The following CDH13 variants were observed in gnomAD, a reference collection of about 807,000 sequenced individuals.
The protein encoded by CDH13 is cadherin 13.
A neutral mutation model predicts 63.8 loss-of-function variants in CDH13; 24 were observed. That is an observed-to-expected ratio of 0.38 (90% confidence interval 0.27 to 0.53). The LOEUF (loss-of-function observed/expected upper bound fraction) is 0.53. Among genes scored for constraint, CDH13 ranks in the 20% least tolerant of loss-of-function variants. CDH13 has a pLI of 0.85. For synonymous variants in CDH13, 503 were observed against 355.3 expected (o/e 1.42, Z -4.67); for missense variants, 1,049 against 903.1 (o/e 1.16, Z -2.07).
At chr16:83,051,458 C>T (rs948581816) in intron 3 of CDH13, among the ~76,000 whole-genome samples, 8 of 152,116 alleles carry the variant, frequency 5.3e-5, no homozygotes, top group Admixed American at 1.3e-4. Flanking sequence ...TGCTAGATAC[C>T]AATAGGTAAA....
chr16:82,976,610 C>T (rs534503064), intron 2 of CDH13, among the ~76,000 whole-genome samples: 12 of 152,254 alleles, frequency 7.9e-5, no homozygotes, highest in African/African-American at 2.9e-4. Flanking sequence ...ACTGTAGAAA[C>T]TGAGGCAGGA....
intron 2 of CDH13, among the ~76,000 whole-genome samples, chr16:82,922,629 C>T (rs1319558988): frequency 6.6e-6 from 1 of 152,182 alleles, no homozygotes; most frequent in Non-Finnish European, 1.5e-5. Flanking sequence ...TTATTTCCTG[C>T]TCTGGAGAGA....
chr16:82,729,825 C>G (rs1485914631), intron 1 of CDH13, among the ~76,000 whole-genome samples: 1 of 152,182 alleles, frequency 6.6e-6, no homozygotes, highest in Non-Finnish European at 1.5e-5. Context: ...TTTAGTGTAG[C>G]CACCTTTGTC....
intron 8 of CDH13, among the ~76,000 whole-genome samples, chr16:83,635,745 A>G (rs1911201824): frequency 6.6e-6 from 1 of 152,102 alleles, no homozygotes; most frequent in South Asian, 2.1e-4. Flanking sequence ...ATTTATCTCA[A>G]TCTGTGGCTT....
chr16:83,541,892 C>T (rs1430797303), intron 7 of CDH13, among the ~76,000 whole-genome samples: 1 of 152,208 alleles, frequency 6.6e-6, no homozygotes, highest in Non-Finnish European at 1.5e-5. Context: ...AGAATGCAAG[C>T]CCCATGGGAC....
At chr16:83,792,469 GT>G (rs1916337098) in intron 13 of CDH13, among the ~76,000 whole-genome samples, 1 of 152,216 alleles carries the variant, frequency 6.6e-6, no homozygotes, top group Admixed American at 6.5e-5. Flanking sequence ...GTTTCTTGTT[GT>G]TGTTGTTGTT....
At chr16:83,511,808 G>A (rs2074572658) in intron 7 of CDH13, among the ~76,000 whole-genome samples, 1 of 152,152 alleles carries the variant, frequency 6.6e-6, no homozygotes, top group Non-Finnish European at 1.5e-5. Context: ...AATGTTTAAT[G>A]AGAAATAAGC....
intron 2 of CDH13, among the ~76,000 whole-genome samples, chr16:82,905,927 C>T (rs990533435): frequency 6.6e-6 from 1 of 152,062 alleles, no homozygotes; most frequent in Admixed American, 6.6e-5. Flanking sequence ...TTTTCCCAGG[C>T]TCTGTTGAAA....
At chr16:82,789,658 T>C (rs2036191804) in intron 1 of CDH13, among the ~76,000 whole-genome samples, 1 of 152,218 alleles carries the variant, frequency 6.6e-6, no homozygotes, top group South Asian at 2.1e-4. Flanking sequence ...TTTTGTTTTG[T>C]TTTAATCAAG....
chr16:82,832,315 G>T (rs149177273), intron 1 of CDH13, among the ~76,000 whole-genome samples: 52 of 152,198 alleles, frequency 3.4e-4, no homozygotes, highest in Non-Finnish European at 2.5e-4. Context: ...AATAAGTTTT[G>T]CAATATCTAA....
intron 6 of CDH13, among the ~76,000 whole-genome samples, chr16:83,416,725 A>C (rs1340423032): frequency 6.6e-6 from 1 of 152,186 alleles, no homozygotes; most frequent in Non-Finnish European, 1.5e-5. Context: ...TGCAGAGCAG[A>C]AAGATGAATA....
At chr16:83,618,789 G>A (rs898254798) in intron 8 of CDH13, among the ~76,000 whole-genome samples, 25 of 151,764 alleles carry the variant, frequency 1.6e-4, no homozygotes, top group Admixed American at 1.5e-3. Flanking sequence ...AATACATAAA[G>A]GAATCGTTAG....
intron 3 of CDH13, among the ~76,000 whole-genome samples, chr16:83,052,717 CA>C (rs2151507637): frequency 7.6e-6 from 1 of 132,138 alleles, no homozygotes; most frequent in Admixed American, 9.2e-5. Context: ...ACAGAGACTG[CA>C]GTGAGCCAAG....
At chr16:82,983,157 C>T (rs1910503387) in intron 2 of CDH13, among the ~76,000 whole-genome samples, 1 of 152,146 alleles carries the variant, frequency 6.6e-6, no homozygotes, top group African/African-American at 2.4e-5. Context: ...CAAACTCATT[C>T]AACAGCTGAT....
intron 8 of CDH13, among the ~76,000 whole-genome samples, chr16:83,626,551 G>T (rs969678316): frequency 2.0e-5 from 3 of 152,116 alleles, no homozygotes; most frequent in African/African-American, 7.2e-5. Flanking sequence ...ACCTGGACTG[G>T]GTGGGGCTGA....
intron 7 of CDH13, among the ~76,000 whole-genome samples, chr16:83,528,429 C>G (rs747834134): frequency 6.6e-6 from 1 of 152,120 alleles, no homozygotes; most frequent in Non-Finnish European, 1.5e-5. Flanking sequence ...TCTGGATGGG[C>G]TGGTTACCCT....
chr16:83,367,137 A>G (rs557545897), intron 6 of CDH13, among the ~76,000 whole-genome samples: 48 of 152,138 alleles, frequency 3.2e-4, no homozygotes, highest in African/African-American at 1.1e-3. Flanking sequence ...TTCCTCGAAA[A>G]CTCTTTGGTA....
intron 6 of CDH13, among the ~76,000 whole-genome samples, chr16:83,446,338 ATTAGAAAGTACCTTCACTAGATTT>A (rs1407297807): frequency 3.3e-5 from 5 of 151,976 alleles, no homozygotes; most frequent in Non-Finnish European, 7.4e-5. Context: ...AAAAGAAAAA[ATTAGAAAGTACCTTCACTAGATTT>A]AGAAGTAAGC....
At chr16:82,995,444 A>G (rs987472555) in intron 2 of CDH13, among the ~76,000 whole-genome samples, 4 of 152,158 alleles carry the variant, frequency 2.6e-5, no homozygotes, top group Non-Finnish European at 1.5e-5. Flanking sequence ...TCCCTTCTTC[A>G]GCTGAAACGC....
Sources: allele counts gnomAD v4.1 joint callset (sites outside exome capture counted in the v4.1 genomes callset), GRCh38; gene constraint gnomAD v4.1.1; transcripts MANE v1.5; gene names NCBI Gene and HGNC (gene_info 2026-07-23, HGNC 2026-07-21).